ADGB: variants seen among roughly 807,000 people sequenced by gnomAD.
ADGB encodes androglobin, also known as calpain-7-like protein.
In ADGB, 172 loss-of-function variants were observed where a neutral mutation model predicts 210.5. The observed-to-expected ratio is 0.82, with a 90% confidence interval of 0.72 to 0.93. The LOEUF (loss-of-function observed/expected upper bound fraction) is 0.93, where lower values mean the gene tolerates loss of function less well. Among genes scored for constraint, ADGB ranks in the 40% least tolerant of loss-of-function variants. The probability of loss-of-function intolerance (pLI) is 0.00; values close to 1 mark genes in which losing one functional copy is unlikely to be tolerated. For synonymous variants in ADGB, 658 were observed against 662.7 expected, an observed-to-expected ratio of 0.99 and a Z score of 0.11; for missense variants, 2,025 against 1,964.8, an observed-to-expected ratio of 1.03 and a Z score of -0.58.
chr6:146,766,525 G>A (rs2114628312), intron 28 of ADGB, among the ~76,000 whole-genome samples: 1 of 151,578 alleles, frequency 6.6e-6, no homozygotes, highest in East Asian at 1.9e-4. Flanking sequence ...TGAGGGTGGG[G>A]GAGAGGAGAA....
At chr6:146,600,979 A>G (rs1780549016) in intron 1 of ADGB, among the ~76,000 whole-genome samples, 1 of 151,516 alleles carries the variant, frequency 6.6e-6, no homozygotes, top group South Asian at 2.1e-4. Flanking sequence ...TAACTAAGTC[A>G]CTGATGGTTA....
intron 6 of ADGB, 177 bp downstream of exon 6, chr6:146,664,517 G>T: frequency 1.8e-6 from 1 of 560,678 alleles, no homozygotes; most frequent in Non-Finnish European, 2.8e-6. Flanking sequence ...TTTTCTATTA[G>T]GTTAACAATA....
intron 20 of ADGB, among the ~76,000 whole-genome samples, chr6:146,732,188 G>C (rs2114585639): frequency 6.6e-6 from 1 of 152,276 alleles, no homozygotes; most frequent in Non-Finnish European, 1.5e-5. Context: ...TATGTTAGCT[G>C]AATCCCATGT....
chr6:146,674,278 T>A lies in ADGB; in HGVS notation c.1087+1811T>A, dbSNP rs200236364. Among the ~76,000 whole-genome samples the A allele has an allele frequency of 3.3e-5, 5 of 152,046 alleles. No individual in the cohort carries two copies. The East Asian group carries it at 7.7e-4, about 24-fold the overall frequency. On this transcript the variant is annotated intron_variant, in intron 8 of 35. Coordinates refer to ENST00000397944, the MANE Select transcript of ADGB (RefSeq NM_024694.4). Reference sequence around the variant, plus strand: ...AAGCTTGTCCTTGAAGAACAGGAAATTGCAAAGTGGAAGCTGATAGAGAAG... The same window carrying A: ...AAGCTTGTCCTTGAAGAACAGGAAAATGCAAAGTGGAAGCTGATAGAGAAG...
intron 26 of ADGB, among the ~76,000 whole-genome samples, chr6:146,747,715 T>C (rs1329679074): frequency 3.3e-5 from 5 of 151,808 alleles, no homozygotes; most frequent in African/African-American, 4.8e-5. Flanking sequence ...GTGTTAAAAA[T>C]TATGTCGCAT....
At chr6:146,705,637 A>G (rs1410950565) in intron 13 of ADGB, among the ~76,000 whole-genome samples, 1 of 152,190 alleles carries the variant, frequency 6.6e-6, no homozygotes, top group Non-Finnish European at 1.5e-5. Context: ...CCACTTAATC[A>G]TGGTAAATGA....
chr6:146,736,016 C>T (rs991968437), intron 22 of ADGB, among the ~76,000 whole-genome samples: 3 of 152,140 alleles, frequency 2.0e-5, no homozygotes, highest in African/African-American at 4.8e-5. Context: ...ATGTTAGTTT[C>T]TGATACAGTA....
intron 1 of ADGB, among the ~76,000 whole-genome samples, chr6:146,633,158 A>G (rs972038025): frequency 1.3e-5 from 2 of 152,038 alleles, no homozygotes; most frequent in Non-Finnish European, 2.9e-5. Context: ...TTTTCTCCGT[A>G]CCACGGTCTT....
chr6:146,639,567 G>A (rs947341244), intron 2 of ADGB: 1 of 151,930 alleles, frequency 6.6e-6, no homozygotes, highest in Non-Finnish European at 1.5e-5. Flanking sequence ...CAAATAGGAA[G>A]AAAGGAAGTC....
chr6:146,662,886 A>G (rs1281338438), intron 5 of ADGB, among the ~76,000 whole-genome samples: 1 of 149,050 alleles, frequency 6.7e-6, no homozygotes, highest in Non-Finnish European at 1.5e-5. Flanking sequence ...TGCTACCCAG[A>G]TAATAAGACT....
chr6:146,703,443 T>C (rs1195249651), intron 13 of ADGB, among the ~76,000 whole-genome samples: 1 of 151,820 alleles, frequency 6.6e-6, no homozygotes, highest in Non-Finnish European at 1.5e-5. Flanking sequence ...AGACCCCGTG[T>C]TGCAAATCAG....
chr6:146,678,876 A>G (rs1040954654), intron 9 of ADGB, among the ~76,000 whole-genome samples: 5 of 152,190 alleles, frequency 3.3e-5, no homozygotes, highest in African/African-American at 4.8e-5. Flanking sequence ...CTAATGTCAT[A>G]TATATTTCTT....
intron 6 of ADGB, 51 bp from the exon 7 acceptor site, chr6:146,666,765 T>C: frequency 9.0e-7 from 1 of 1,107,362 alleles, no homozygotes; most frequent in Non-Finnish European, 1.3e-6. Flanking sequence ...TATATATCTT[T>C]ATGTGTTTTC....
At chr6:146,608,217 T>A (rs1366944545) in intron 1 of ADGB, among the ~76,000 whole-genome samples, 1 of 152,038 alleles carries the variant, frequency 6.6e-6, no homozygotes, top group Non-Finnish European at 1.5e-5. Flanking sequence ...TGAGGTTTTG[T>A]GGTTTTTTTT....
intron 1 of ADGB, among the ~76,000 whole-genome samples, chr6:146,607,745 T>G (rs2114826384): frequency 6.6e-6 from 1 of 152,302 alleles, no homozygotes; most frequent in African/African-American, 2.4e-5. Context: ...TAATGCCTAC[T>G]TTATTGTGGT....
Position 146,769,140 on chromosome 6 carries a change from C to A in ADGB, c.3862+9C>A. 4.3e-6 allele frequency: 6 copies of A among 1,410,864 alleles called. No individual in the cohort carries two copies. Among genetic ancestry groups the A allele is most frequent in the Non-Finnish European group, 5.8e-6 (6 of 1,029,200 alleles). 87.4% of individuals were successfully genotyped at this position (1,410,864 alleles called of 1,614,324 possible). A position where few individuals can be genotyped will look rare whatever the true frequency, so the allele number is the denominator to read the frequency against. On this transcript the variant is annotated intron_variant, in intron 29 of 35. Transcript: ENST00000397944. ...GAAAAGTAATACCAAAGGTATGTCA[C>A]CCTAAATGTTTAAACATGCACTTTA...
At chr6:146,609,435 A>T (rs1780675065) in intron 1 of ADGB, among the ~76,000 whole-genome samples, 1 of 152,178 alleles carries the variant, frequency 6.6e-6, no homozygotes, top group Non-Finnish European at 1.5e-5. Flanking sequence ...TGTTACGTAG[A>T]CTTGTCTGTG....
intron 16 of ADGB, among the ~76,000 whole-genome samples, chr6:146,718,625 C>G (rs897271504): frequency 6.6e-6 from 1 of 152,210 alleles, no homozygotes; most frequent in Non-Finnish European, 1.5e-5. Flanking sequence ...GACACATATT[C>G]CGGGAAACTA....
chr6:146,670,450 A>G (rs947624253), intron 7 of ADGB, among the ~76,000 whole-genome samples: 2 of 151,914 alleles, frequency 1.3e-5, no homozygotes, highest in African/African-American at 4.8e-5. Flanking sequence ...TACATGGGCT[A>G]CTCTTATTTT....
Sources: allele counts gnomAD v4.1 joint callset (sites outside exome capture counted in the v4.1 genomes callset), GRCh38; gene constraint gnomAD v4.1.1; transcripts MANE v1.5; gene names NCBI Gene and HGNC (gene_info 2026-07-23, HGNC 2026-07-21).